Variants in PSD3 observed in about 807,000 individuals in gnomAD.
PSD3 encodes PH and SEC7 domain-containing protein 3.
In PSD3, 49 loss-of-function variants were observed where a neutral mutation model predicts 105.5. The observed-to-expected ratio is 0.46, with a 90% CI of 0.37 to 0.59. The LOEUF (loss-of-function observed/expected upper bound fraction) is 0.59. Ranked by LOEUF, PSD3 falls within the 20% of genes least tolerant of loss-of-function variation. PSD3 has a pLI of 0.00. For missense variants in PSD3, 1,561 were observed against 1,263.8 expected (o/e 1.24, Z -3.57); for synonymous variants, 557 against 457.8 (o/e 1.22, Z -2.77).
chr8:18,708,865 T>C (rs1802062276), intron 9 of PSD3, among the ~76,000 whole-genome samples: 1 of 151,998 alleles, frequency 6.6e-6, no homozygotes, highest in African/African-American at 2.4e-5. Flanking sequence ...ATGGCCAACC[T>C]GAGAGCCACA....
chr8:18,911,120 C>T (rs1190127726), intron 2 of PSD3, among the ~76,000 whole-genome samples: 3 of 151,838 alleles, frequency 2.0e-5, no homozygotes, highest in Non-Finnish European at 4.4e-5. Flanking sequence ...AATCAGTCAA[C>T]CAATAAAACA....
chr8:18,902,659 T>C (rs1388217107), intron 2 of PSD3, among the ~76,000 whole-genome samples: 1 of 152,212 alleles, frequency 6.6e-6, no homozygotes, highest in Admixed American at 6.5e-5. Flanking sequence ...GACTGGCTTT[T>C]GTACAGAAAG....
At chr8:18,877,545 T>C (rs1202731680) in intron 2 of PSD3, among the ~76,000 whole-genome samples, 2 of 151,810 alleles carry the variant, frequency 1.3e-5, no homozygotes, top group African/African-American at 4.8e-5. Flanking sequence ...CTATCTTTTT[T>C]TTTTTTTTTT....
At chr8:18,812,654 A>AG (rs1491267290) in intron 4 of PSD3, among the ~76,000 whole-genome samples, 2 of 152,178 alleles carry the variant, frequency 1.3e-5, no homozygotes, top group Non-Finnish European at 2.9e-5. Context: ...AAGACATGAA[A>AG]GACCAAAGTT....
At chr8:18,987,725 G>A (rs906558802) in intron 1 of PSD3, among the ~76,000 whole-genome samples, 1 of 152,064 alleles carries the variant, frequency 6.6e-6, no homozygotes, top group Admixed American at 6.5e-5. Context: ...AGGCTGAGGT[G>A]AGAGAATCAC....
At chr8:18,677,259 T>C (rs1046917983) in intron 9 of PSD3, among the ~76,000 whole-genome samples, 13 of 152,132 alleles carry the variant, frequency 8.5e-5, no homozygotes, top group African/African-American at 2.9e-4. Flanking sequence ...ACAAAAACCA[T>C]TGTCACTTTG....
At chr8:18,714,476 T>C (rs1422345694) in intron 9 of PSD3, among the ~76,000 whole-genome samples, 1 of 146,328 alleles carries the variant, frequency 6.8e-6, no homozygotes, top group Non-Finnish European at 1.5e-5. Context: ...GCAAAGGACA[T>C]GAACAGATAC....
chr8:18,592,100 T>C (rs755889061), intron 12 of PSD3, among the ~76,000 whole-genome samples: 23 of 151,988 alleles, frequency 1.5e-4, no homozygotes, highest in Admixed American at 5.9e-4. Flanking sequence ...AACAAAGGTA[T>C]AAGAATTACC....
intron 12 of PSD3, among the ~76,000 whole-genome samples, chr8:18,580,078 C>CT (rs35379615): frequency 6.6e-6 from 1 of 152,112 alleles, no homozygotes; most frequent in African/African-American, 2.4e-5. Context: ...TGATGAATAT[C>CT]TTTTTTAAAA....
intron 2 of PSD3, among the ~76,000 whole-genome samples, chr8:18,904,185 G>A (rs890468684): frequency 6.6e-5 from 10 of 152,132 alleles, no homozygotes; most frequent in East Asian, 1.9e-4. Context: ...GAACAAGAGA[G>A]AGAGAAGGAG....
intron 1 of PSD3, among the ~76,000 whole-genome samples, chr8:18,997,709 T>C (rs1826153846): frequency 6.6e-6 from 1 of 152,038 alleles, no homozygotes; most frequent in African/African-American, 2.4e-5. Flanking sequence ...TCCCTGTTCC[T>C]GGAAGGCAGG....
chr8:18,988,697 A>G (rs930255063), intron 1 of PSD3, among the ~76,000 whole-genome samples: 5 of 152,208 alleles, frequency 3.3e-5, no homozygotes, highest in African/African-American at 4.8e-5. Flanking sequence ...ACATGTTTAA[A>G]AAGTGTTGAT....
intron 4 of PSD3, among the ~76,000 whole-genome samples, chr8:18,812,406 A>G (rs1811774063): frequency 6.6e-6 from 1 of 152,214 alleles, no homozygotes; most frequent in South Asian, 2.1e-4. Context: ...GGTTCTGAGT[A>G]AAGATCTAAC....
At chr8:18,639,931 T>G (rs1807521392) in intron 10 of PSD3, among the ~76,000 whole-genome samples, 1 of 152,178 alleles carries the variant, frequency 6.6e-6, no homozygotes, top group African/African-American at 2.4e-5. Context: ...CTGAATAAGC[T>G]GCAGCATCTC....
intron 4 of PSD3, among the ~76,000 whole-genome samples, chr8:18,809,850 A>G (rs1431686316): frequency 6.6e-6 from 1 of 150,948 alleles, no homozygotes; most frequent in East Asian, 1.9e-4. Flanking sequence ...CGTCCTCTAA[A>G]TACAAAAAAA....
intron 8 of PSD3, among the ~76,000 whole-genome samples, chr8:18,765,895 G>A (rs1483264565): frequency 6.6e-6 from 1 of 151,606 alleles, no homozygotes; most frequent in Non-Finnish European, 1.5e-5. Flanking sequence ...TTGAACCCGG[G>A]AGGCAGAGGT....
At chr8:18,547,036 G>C (rs1285961261) in intron 15 of PSD3, among the ~76,000 whole-genome samples, 1 of 152,172 alleles carries the variant, frequency 6.6e-6, no homozygotes, top group Non-Finnish European at 1.5e-5. Flanking sequence ...ACAGGGGCAG[G>C]AGCTTGCATT....
At chr8:18,629,179 G>A (rs1196617500) in intron 11 of PSD3, among the ~76,000 whole-genome samples, 2 of 151,914 alleles carry the variant, frequency 1.3e-5, no homozygotes, top group Non-Finnish European at 1.5e-5. Context: ...CCAAAATAAG[G>A]AATATAACCA....
intron 9 of PSD3, among the ~76,000 whole-genome samples, chr8:18,717,130 T>C (rs186617337): frequency 1.3e-5 from 2 of 152,342 alleles, no homozygotes; most frequent in African/African-American, 4.8e-5. Context: ...TCTTAAAGGT[T>C]TTTTTGTTCC....
Sources: gnomAD v4.1 joint callset for allele counts (sites outside exome capture counted in the v4.1 genomes callset) on GRCh38, gnomAD v4.1.1 for gene constraint, MANE v1.5 for transcripts, NCBI Gene and HGNC (gene_info 2026-07-23, HGNC 2026-07-21) for gene names.